The following ZW10 variants were observed in gnomAD, a reference collection of about 807,000 sequenced individuals.
ZW10 encodes centromere/kinetochore protein zw10 homolog.
In ZW10, 53 loss-of-function variants were observed where a neutral mutation model predicts 87.8. The observed-to-expected ratio is 0.60, with a 90% confidence interval of 0.48 to 0.76. ZW10 has a LOEUF of 0.76. Ranked by LOEUF, ZW10 falls within the 30% of genes least tolerant of loss-of-function variation. The pLI, the probability that ZW10 is intolerant of heterozygous loss-of-function variation, is 0.00. For synonymous variants in ZW10, 312 were observed against 329.2 expected (o/e 0.95, Z 0.57); for missense variants, 837 against 923.0 (o/e 0.91, Z 1.21).
chr11:113,737,718 A>G lies in ZW10; in HGVS notation c.1885-15T>C. The G allele has an allele frequency of 6.3e-7, 1 of 1,581,618 alleles. No individual in the cohort carries two copies. The highest frequency in any genetic ancestry group is 2.3e-5 in the East Asian group (1 of 44,400). On this transcript the variant is annotated splice_polypyrimidine_tract_variant and intron_variant, in intron 13 of 15. Coordinates refer to ENST00000200135, the MANE Select transcript of ZW10 (RefSeq NM_004724.4). ...TGGTGCAGTACCTGTAGAAGAATACAGCTATTTACGTGGAAGAAAGATTAC... is the reference window on the plus strand; with the variant it reads ...TGGTGCAGTACCTGTAGAAGAATACGGCTATTTACGTGGAAGAAAGATTAC...
chr11:113,747,792 T>C, intron 8 of ZW10, 79 bp from the exon 9 acceptor site: 1 of 1,251,032 alleles, frequency 8.0e-7, no homozygotes, highest in Non-Finnish European at 1.1e-6. Context: ...ATCCAATGTA[T>C]AAAAAAATGA....
At chr11:113,758,002 T>G in intron 6 of ZW10, 149 bp from the exon 7 acceptor site, 1 of 547,158 alleles carries the variant, frequency 1.8e-6, no homozygotes, top group Non-Finnish European at 3.0e-6. Context: ...TGAGATCCCG[T>G]CTCTACTGAA....
rs764899413 is a variant in ZW10 at position 113,733,683 on chromosome 11, A to G, written c.*11T>C. On this transcript the variant is annotated 3_prime_UTR_variant, in exon 16 of 16. Coordinates refer to ENST00000200135, the MANE Select transcript of ZW10 (RefSeq NM_004724.4). The stretch of plus-strand genomic sequence containing the variant: ...ACATATTCAAGACATAGCTTTCTTA[A>G]GAAGATGGAGCTATTTAATTTTAGC... 10 of 1,613,816 alleles carry G rather than the reference A, an allele frequency of 6.2e-6. No individual in the cohort carries two copies. Among genetic ancestry groups the G allele is most frequent in the South Asian group, 2.2e-5 (2 of 91,066 alleles).
chr11:113,754,348 G>A (rs946553017), intron 7 of ZW10, among the ~76,000 whole-genome samples: 1 of 152,060 alleles, frequency 6.6e-6, no homozygotes, highest in Admixed American at 6.6e-5. Context: ...AGCTGGGCAT[G>A]GTAGTGCAGG....
intron 2 of ZW10, among the ~76,000 whole-genome samples, chr11:113,767,196 A>C (rs909818121): frequency 4.7e-5 from 7 of 148,772 alleles, no homozygotes; most frequent in African/African-American, 1.7e-4. Flanking sequence ...AAAAAAAAGG[A>C]TCTTGTTTGA....
intron 1 of ZW10, chr11:113,770,280 G>C (rs913604067): frequency 5.9e-5 from 9 of 151,308 alleles, no homozygotes; most frequent in Non-Finnish European, 1.0e-4. Flanking sequence ...GTAGAGACAG[G>C]GTTTCACCAT....
rs1953845744 is a variant in ZW10 at position 113,760,503 on chromosome 11, C to T, written c.420+10G>A. On this transcript the variant is annotated intron_variant, in intron 4 of 15. Coordinates refer to ENST00000200135, the MANE Select transcript of ZW10 (RefSeq NM_004724.4). ...CTTATTGCGCATGCTTTGGGGAGAG[C>T]ATTTAGTACCTCTTCCAGACGCTGA... 1 of 1,611,760 alleles carries T rather than the reference C, an allele frequency of 6.2e-7. No individual in the cohort carries two copies. Among genetic ancestry groups the T allele is most frequent in the Admixed American group, 1.7e-5 (1 of 59,796 alleles).
rs752284796 is a variant in ZW10, at chr11:113,760,874, T to TA, written c.284dup (p.Leu95PhefsTer16). On this transcript the variant is annotated frameshift_variant, in exon 3 of 16. Transcript: ENST00000200135. LOFTEE classifies it high-confidence loss of function. ...CTGAGTCTCTTTCCAACTGCTGCTT[T>TA]AAGTCTGTAAATTCACCGGTTGATA... is the stretch of plus-strand genomic sequence containing the variant. 6.2e-7 allele frequency: 1 copy of TA among 1,613,982 alleles called. No homozygotes were observed. Among genetic ancestry groups the TA allele is most frequent in the Non-Finnish European group, 8.5e-7 (1 of 1,180,022 alleles).
chr11:113,773,524 G>C lies in ZW10; in HGVS notation c.105+38C>G, dbSNP rs377057996. 3.8e-6 allele frequency: 6 copies of C among 1,573,630 alleles called. No homozygotes were observed. In the African/African-American group the frequency reaches 8.1e-5, roughly 21 times the overall value. ...CAGTCCCTTCACACAAGGACCCGGA[G>C]TCCCCTTCCAGTCAGCAGACAGCTG... On this transcript the variant is annotated intron_variant, in intron 1 of 15. Coordinates refer to ENST00000200135, the MANE Select transcript of ZW10 (RefSeq NM_004724.4).
chr11:113,773,529 C>G, intron 1 of ZW10, 33 bp downstream of exon 1: 1 of 1,591,880 alleles, frequency 6.3e-7, no homozygotes, highest in Non-Finnish European at 8.6e-7. Flanking sequence ...CCGGAGTCCC[C>G]TTCCAGTCAG....
At position 113,758,554 on chromosome 11, in the gene ZW10, C is replaced by T; in HGVS notation, c.733G>A (p.Gly245Ser). Reference protein sequence around the residue: ...GELHSKLKSFGQMLLKYILRP... With the variant: ...GELHSKLKSFSQMLLKYILRP... ...AATGAAACAAAGTAGCATGCCTTAC[C>T]AAATGATTTAAGCTTGCTGTGTAGT... The change falls in exon 6 of 16, where the codon GGT becomes AGT. Residue 245 changes from glycine to serine, a missense_variant and splice_region_variant. Gly to Ser is a moderately conservative substitution (Grantham distance 56, BLOSUM62 0). Transcript: ENST00000200135. 1 of 1,612,718 alleles carries T rather than the reference C, an allele frequency of 6.2e-7. No individual in the cohort carries two copies. Among genetic ancestry groups the T allele is most frequent in the South Asian group, 1.1e-5 (1 of 90,644 alleles).
chr11:113,751,523 A>T (rs1953734203), intron 7 of ZW10, among the ~76,000 whole-genome samples: 1 of 152,198 alleles, frequency 6.6e-6, no homozygotes, highest in Non-Finnish European at 1.5e-5. Flanking sequence ...TTTTTATTAC[A>T]ATGAATAGTG....
chr11:113,762,719 T>A (rs1470500777), intron 2 of ZW10, among the ~76,000 whole-genome samples: 2 of 152,116 alleles, frequency 1.3e-5, no homozygotes, highest in Non-Finnish European at 2.9e-5. Flanking sequence ...GGTTTTATCA[T>A]GTTGGCCAGG....
chr11:113,745,350 C>T (rs1302543600), intron 9 of ZW10, among the ~76,000 whole-genome samples: 1 of 151,328 alleles, frequency 6.6e-6, no homozygotes, highest in East Asian at 1.9e-4. Flanking sequence ...GCTCCCTACT[C>T]CCACTGCAAG....
At chr11:113,764,018 T>C (rs186277317) in intron 2 of ZW10, among the ~76,000 whole-genome samples, 10 of 152,340 alleles carry the variant, frequency 6.6e-5, no homozygotes, top group African/African-American at 2.4e-4. Context: ...CCTTAAGCCA[T>C]CTTGAGTTAA....
chr11:113,737,824 T>A, intron 13 of ZW10, 121 bp from the exon 14 acceptor site: 1 of 1,143,992 alleles, frequency 8.7e-7, no homozygotes, highest in Non-Finnish European at 1.2e-6. Context: ...TGAGGTAAAG[T>A]AACTAAGGAC....
Position 113,758,595 on chromosome 11 carries a change from A to G in ZW10, c.692T>C (p.Phe231Ser). The G allele has an allele frequency of 6.2e-7, 1 of 1,613,954 alleles. No individual in the cohort carries two copies. The highest frequency in any genetic ancestry group is 8.5e-7 in the Non-Finnish European group (1 of 1,179,954). The change falls in exon 6 of 16, where the codon TTT becomes TCT. Residue 231 changes from phenylalanine (F) to serine (S), a missense_variant. Coordinates refer to ENST00000200135, the MANE Select transcript of ZW10 (RefSeq NM_004724.4). ...GCTGTGTAGTTCTCCAAGAACAGAA[A>G]ATGCCAAGAGGACAGAACTGATGGG... Reference protein sequence around the residue: ...MPPISSVLLAFSVLGELHSKL... With the variant: ...MPPISSVLLASSVLGELHSKL...
rs781131748 is a variant in ZW10, at chr11:113,741,694, T to C, written c.1583A>G (p.Lys528Arg). The part of the protein sequence containing the change: ...LFHDVVPTYH[K>R]ENLQKLPQLA... The stretch of plus-strand genomic sequence containing the variant: ...AGAAATGAGATACAGTGGTACTTAC[T>C]TGTGATATGTTGGTACAACATCATG... The change falls in exon 11 of 16, where the codon AAG becomes AGG. Residue 528 changes from lysine to arginine, a missense_variant and splice_region_variant. Coordinates refer to ENST00000200135, the MANE Select transcript of ZW10 (RefSeq NM_004724.4). 4 of 1,590,926 alleles carry C rather than the reference T, an allele frequency of 2.5e-6. No individual in the cohort carries two copies. In the South Asian group the frequency reaches 4.6e-5, roughly 18 times the overall value.
At chr11:113,762,278 G>A (rs964781010) in intron 2 of ZW10, among the ~76,000 whole-genome samples, 1 of 152,078 alleles carries the variant, frequency 6.6e-6, no homozygotes, top group Admixed American at 6.6e-5. Context: ...TAAAAATACA[G>A]CATAAAAATG....
Sources: gnomAD v4.1 joint callset for allele counts (sites outside exome capture counted in the v4.1 genomes callset) on GRCh38, gnomAD v4.1.1 for gene constraint, MANE v1.5 for transcripts, NCBI Gene and HGNC (gene_info 2026-07-23, HGNC 2026-07-21) for gene names.